EMID1: variants seen among roughly 807,000 people sequenced by gnomAD.
EMID1 encodes the protein EMI domain-containing protein 1.
EMID1 carries 40 observed loss-of-function variants against 60.6 expected under a neutral mutation model. The ratio of observed to expected loss-of-function variants is 0.66; its 90% CI spans 0.51 to 0.86. The LOEUF (loss-of-function observed/expected upper bound fraction) is 0.86. Ranked by LOEUF, EMID1 falls within the 40% of genes least tolerant of loss-of-function variation. EMID1 has a pLI of 0.00. For synonymous variants in EMID1, 242 were observed against 231.0 expected (o/e 1.05, Z -0.43); for missense variants, 585 against 597.1 (o/e 0.98, Z 0.21).
intron 3 of EMID1, among the ~76,000 whole-genome samples, chr22:29,221,294 T>C (rs370609643): frequency 2.0e-5 from 3 of 151,916 alleles, no homozygotes; most frequent in East Asian, 1.9e-4. Flanking sequence ...GTGAGGAGGG[T>C]CTCAGCTCAT....
intron 5 of EMID1, among the ~76,000 whole-genome samples, chr22:29,226,767 G>C (rs1054480686): frequency 1.3e-5 from 2 of 152,140 alleles, no homozygotes; most frequent in African/African-American, 4.8e-5. Flanking sequence ...CTCACAGGTC[G>C]TGCCTCAGTT....
At chr22:29,231,731 C>T in intron 7 of EMID1, 49 bp downstream of exon 7, 1 of 1,415,274 alleles carries the variant, frequency 7.1e-7, no homozygotes, top group Non-Finnish European at 9.3e-7. Context: ...ATCCCCTCCA[C>T]CAGGTGGGCC....
At chr22:29,215,157 A>G in intron 2 of EMID1, 118 bp downstream of exon 2, 1 of 1,425,042 alleles carries the variant, frequency 7.0e-7, no homozygotes, top group Non-Finnish European at 9.2e-7. Context: ...GGGTGGGCGG[A>G]GCAAAGGTAG....
chr22:29,205,983 G>T lies in EMID1; in HGVS notation c.-56G>T. On this transcript the variant is annotated 5_prime_UTR_variant, in exon 1 of 15. Transcript: ENST00000334018. ...GCGGCGCGGGCAGGCAGGCGGGGAG[G>T]ACAGGCTGGGGGCGGCGACCGCGAG... 5.5e-6 allele frequency: 6 copies of T among 1,091,658 alleles called. No homozygotes were observed. Among genetic ancestry groups the T allele is most frequent in the South Asian group, 4.5e-5 (1 of 22,446 alleles). 67.6% of individuals were successfully genotyped at this position (1,091,658 alleles called of 1,614,324 possible). A position where few individuals can be genotyped will look rare whatever the true frequency, so the allele number is the denominator to read the frequency against.
chr22:29,246,746 C>T (rs2041345271), intron 13 of EMID1, among the ~76,000 whole-genome samples: 2 of 152,152 alleles, frequency 1.3e-5, no homozygotes, highest in African/African-American at 4.8e-5. Flanking sequence ...GTGCAAACAT[C>T]AGGCCACCTG....
At chr22:29,240,163 AGT>A (rs1486913426) in intron 12 of EMID1, among the ~76,000 whole-genome samples, 3 of 152,046 alleles carry the variant, frequency 2.0e-5, no homozygotes, top group Non-Finnish European at 4.4e-5. Context: ...GAACTTCACC[AGT>A]GTGTCTCAGT....
chr22:29,212,603 G>T (rs1161144935), intron 1 of EMID1, among the ~76,000 whole-genome samples: 2 of 149,854 alleles, frequency 1.3e-5, no homozygotes, highest in African/African-American at 4.9e-5. Flanking sequence ...TCACTCTGTT[G>T]CCCAGGCTGG....
At chr22:29,209,293 G>A (rs762623085) in intron 1 of EMID1, among the ~76,000 whole-genome samples, 2 of 152,144 alleles carry the variant, frequency 1.3e-5, no homozygotes, top group Non-Finnish European at 2.9e-5. Flanking sequence ...CTCCCCTCCT[G>A]GAGGCCTCTG....
intron 1 of EMID1, among the ~76,000 whole-genome samples, chr22:29,209,146 A>G (rs2068825170): frequency 6.6e-6 from 1 of 152,130 alleles, no homozygotes; most frequent in South Asian, 2.1e-4. Context: ...AGCCCCTATC[A>G]CTGTTCCGGA....
chr22:29,233,554 T>C, intron 9 of EMID1, 60 bp from the exon 10 acceptor site: 1 of 1,607,056 alleles, frequency 6.2e-7, no homozygotes, highest in South Asian at 1.1e-5. Context: ...AGGGAGCTGA[T>C]GGGGCACTTC....
intron 1 of EMID1, 69 bp downstream of exon 1, chr22:29,206,208 G>C: frequency 8.8e-7 from 1 of 1,136,706 alleles, no homozygotes; most frequent in Non-Finnish European, 1.1e-6. Context: ...CCCACCTCCA[G>C]GAAGGGCTGG....
Position 29,254,268 on chromosome 22 carries a change from A to G in EMID1, c.1185A>G (p.Glu395=), listed in dbSNP as rs1243434687. ...TAGCTGAGAGGGTTTTAATCTTGGAAACAATGATTGGGCTCTATGGTGAGT... is the reference window on the plus strand; with the variant it reads ...TAGCTGAGAGGGTTTTAATCTTGGAGACAATGATTGGGCTCTATGGTGAGT... ...KILAERVLIL[E]TMIGLYEPEL... is the part of the protein sequence containing the mutation. Residue 395 remains glutamate, a synonymous_variant, in exon 14 of 15, where the codon GAA becomes GAG. Coordinates refer to ENST00000334018, the MANE Select transcript of EMID1 (RefSeq NM_133455.4). 5 of 1,614,132 alleles carry G rather than the reference A, an allele frequency of 3.1e-6. No individual in the cohort carries two copies. The highest frequency in any genetic ancestry group is 1.6e-4 in the Middle Eastern group (1 of 6,062).
At chr22:29,228,902 C>T (rs192751405) in intron 5 of EMID1, among the ~76,000 whole-genome samples, 8 of 152,152 alleles carry the variant, frequency 5.3e-5, no homozygotes, top group Non-Finnish European at 8.8e-5. Flanking sequence ...AGCCTGGGAA[C>T]TTAATGAGAT....
At chr22:29,250,448 T>C (rs1206506445) in intron 13 of EMID1, among the ~76,000 whole-genome samples, 2 of 152,244 alleles carry the variant, frequency 1.3e-5, no homozygotes, top group Non-Finnish European at 2.9e-5. Context: ...GCAGGCTAAA[T>C]AATCTTGGCA....
chr22:29,225,605 C>T (rs2040475405), intron 4 of EMID1, among the ~76,000 whole-genome samples: 1 of 152,228 alleles, frequency 6.6e-6, no homozygotes, highest in Non-Finnish European at 1.5e-5. Flanking sequence ...CCCATTGTCC[C>T]CTTTTTAAAG....
At chr22:29,207,073 G>A (rs996579529) in intron 1 of EMID1, among the ~76,000 whole-genome samples, 1 of 152,192 alleles carries the variant, frequency 6.6e-6, no homozygotes, top group South Asian at 2.1e-4. Context: ...CCATTCAAAG[G>A]CCTGCGCGGC....
At chr22:29,242,767 C>T (rs572637127) in intron 12 of EMID1, among the ~76,000 whole-genome samples, 112 of 152,126 alleles carry the variant, frequency 7.4e-4, no homozygotes, top group Non-Finnish European at 1.1e-3. Flanking sequence ...GGAAAAATCC[C>T]TTAATCCTGA....
intron 12 of EMID1, among the ~76,000 whole-genome samples, chr22:29,238,367 G>A (rs937419037): frequency 7.2e-6 from 1 of 138,826 alleles, no homozygotes; most frequent in East Asian, 2.1e-4. Context: ...GGATCCTCCC[G>A]CCTCCACCTC....
chr22:29,221,045 G>A lies in EMID1; in HGVS notation c.320-4088G>A, dbSNP rs556638365. 1.2e-4 allele frequency among the ~76,000 whole-genome samples: 17 copies of A among 146,468 alleles called. No individual in the cohort carries two copies. The South Asian group carries it at 3.8e-3, about 33-fold the overall frequency. On this transcript the variant is annotated intron_variant, in intron 3 of 14. Transcript: ENST00000334018. Reference sequence around the variant, plus strand: ...ATGGGTGCAGCAGCTGTAGAGATTAGGGGAGGGCATGGGGTGGGAACGTGT... The same window carrying A: ...ATGGGTGCAGCAGCTGTAGAGATTAAGGGAGGGCATGGGGTGGGAACGTGT...
Sources: allele counts gnomAD v4.1 joint callset (sites outside exome capture counted in the v4.1 genomes callset), GRCh38; gene constraint gnomAD v4.1.1; transcripts MANE v1.5; gene names NCBI Gene and HGNC (gene_info 2026-07-23, HGNC 2026-07-21).